Variants in OTUB1 observed in about 807,000 individuals in gnomAD.
OTUB1 encodes ubiquitin thioesterase OTUB1.
Under a neutral mutation model 35.8 loss-of-function variants are expected in OTUB1, and 10 were observed. That is an observed-to-expected ratio of 0.28 (90% CI 0.17 to 0.47). The LOEUF (loss-of-function observed/expected upper bound fraction) is 0.47, where lower values mean the gene tolerates loss of function less well. Among genes scored for constraint, OTUB1 ranks in the 20% least tolerant of loss-of-function variants. The pLI, the probability that OTUB1 is intolerant of heterozygous loss-of-function variation, is 0.99. For missense variants in OTUB1, 264 were observed against 351.6 expected (o/e 0.75, Z 1.99); for synonymous variants, 158 against 143.8 (o/e 1.10, Z -0.71).
At chr11:63,991,721 T>G (rs537961948) in intron 3 of OTUB1, among the ~76,000 whole-genome samples, 2 of 152,348 alleles carry the variant, frequency 1.3e-5, no homozygotes, top group South Asian at 2.1e-4. Context: ...GGGTTCTTTG[T>G]GGTCCTGGTG....
chr11:63,992,224 A>G (rs961718332), intron 3 of OTUB1, among the ~76,000 whole-genome samples: 6 of 152,008 alleles, frequency 3.9e-5, no homozygotes, highest in African/African-American at 1.4e-4. Flanking sequence ...CAAAAAAAAA[A>G]AAGAGGGGAT....
At position 63,998,170 on chromosome 11, in the gene OTUB1, ACGTGTGGGGT is replaced by A; in HGVS notation, c.*626_*635del. Reference sequence around the variant, plus strand: ...CCTGGTGGGGGAGGGCAGCCTTCAAACGTGTGGGGTCTACAGTCCTCAGGTCTAGGCAGGG... The same window carrying A: ...CCTGGTGGGGGAGGGCAGCCTTCAAACTACAGTCCTCAGGTCTAGGCAGGG... On this transcript the variant is annotated 3_prime_UTR_variant, in exon 7 of 7. Transcript: ENST00000538426. The A allele has an allele frequency of 1.6e-5, 4 of 256,558 alleles. No individual in the cohort carries two copies. The South Asian group carries it at 1.9e-4, about 12-fold the overall frequency. The allele number at this position is 256,558 out of a possible 1,614,324, so 15.9% of individuals were successfully genotyped here.
intron 4 of OTUB1, 45 bp from the exon 5 acceptor site, chr11:63,996,812 G>T: frequency 1.2e-6 from 2 of 1,613,116 alleles, no homozygotes; most frequent in Non-Finnish European, 1.7e-6. Flanking sequence ...CGTCTGGGCT[G>T]GTCGAGGAGC....
In OTUB1 at chr11:63,996,876, A is replaced by G; in HGVS notation, c.358A>G (p.Lys120Glu). ...ELQRFKAVSA[K>E]SKEDLVSQGF... ...CCCCAGGTTCAAGGCTGTGTCTGCC[A>G]AGAGCAAGGAAGACCTGGTGTCCCA... The change falls in exon 5 of 7, where the codon AAG becomes GAG. Residue 120 changes from lysine (K) to glutamate (E), a missense_variant. By Grantham distance (56) the Lys-to-Glu change is moderately conservative. This residue lies in a region of OTUB1 where 214 missense variants were observed against 317.1 expected (regional missense o/e 0.67). Transcript: ENST00000538426. The G allele has an allele frequency of 6.2e-7, 1 of 1,614,158 alleles. No homozygotes were observed. The highest frequency in any genetic ancestry group is 8.5e-7 in the Non-Finnish European group (1 of 1,180,000).
At chr11:63,996,786 G>C in intron 4 of OTUB1, 71 bp from the exon 5 acceptor site, 1 of 1,609,936 alleles carries the variant, frequency 6.2e-7, no homozygotes, top group Non-Finnish European at 8.5e-7. Context: ...GCGGGGCAGT[G>C]CTGTCTCGGC....
intron 3 of OTUB1, chr11:63,988,994 A>T: frequency 5.3e-6 from 2 of 376,034 alleles, no homozygotes; most frequent in Non-Finnish European, 9.6e-6. Context: ...AGCCTGGGTG[A>T]TAAGAGCAAA....
chr11:63,986,660 T>TC (rs916867233), intron 1 of OTUB1, 146 bp downstream of exon 1: 1 of 629,936 alleles, frequency 1.6e-6, no homozygotes, highest in Non-Finnish European at 2.6e-6. Flanking sequence ...CTGCCTCCCC[T>TC]CCCCCTCACA....
Position 63,988,969 on chromosome 11 carries a change from A to G in OTUB1, c.219+217A>G, listed in dbSNP as rs530151575. On this transcript the variant is annotated intron_variant, in intron 3 of 6. Coordinates refer to ENST00000538426, the MANE Select transcript of OTUB1 (RefSeq NM_017670.3). Reference sequence around the variant, plus strand: ...GTGGAGGTTGTAGGGAGCCAAGATCACACCATTGCACTCCAGCCTGGGTGA... The same window carrying G: ...GTGGAGGTTGTAGGGAGCCAAGATCGCACCATTGCACTCCAGCCTGGGTGA... 570 of 482,378 alleles carry G rather than the reference A, an allele frequency of 1.2e-3. 1 individual carries two copies. Among genetic ancestry groups the G allele is most frequent in the Non-Finnish European group, 1.7e-3 (471 of 270,710 alleles). 29.9% of individuals were successfully genotyped at this position (482,378 alleles called of 1,614,324 possible). A position where few individuals can be genotyped will look rare whatever the true frequency, so the allele number is the denominator to read the frequency against.
chr11:63,987,781 A>T (rs1248373696), intron 1 of OTUB1, among the ~76,000 whole-genome samples: 2 of 152,196 alleles, frequency 1.3e-5, no homozygotes, highest in Admixed American at 6.5e-5. Flanking sequence ...GCTCTCCTCC[A>T]GGCCAGGACT....
chr11:63,991,778 T>C (rs898044187), intron 3 of OTUB1, among the ~76,000 whole-genome samples: 1 of 152,210 alleles, frequency 6.6e-6, no homozygotes, highest in African/African-American at 2.4e-5. Flanking sequence ...GTCCAGGCGC[T>C]GTTCTAGGTA....
At chr11:63,995,929 C>G (rs1025353224) in intron 3 of OTUB1, among the ~76,000 whole-genome samples, 3 of 152,032 alleles carry the variant, frequency 2.0e-5, no homozygotes, top group African/African-American at 7.3e-5. Flanking sequence ...ATCGTTTGAA[C>G]CCGGGAGGTG....
intron 3 of OTUB1, among the ~76,000 whole-genome samples, chr11:63,994,233 G>T (rs928348773): frequency 1.3e-5 from 2 of 152,170 alleles, no homozygotes; most frequent in African/African-American, 2.4e-5. Flanking sequence ...AGGCACAGTG[G>T]CTAAGTGTGC....
chr11:63,996,977 G>A (rs753796211), intron 5 of OTUB1, 36 bp downstream of exon 5: 18 of 1,613,352 alleles, frequency 1.1e-5, no homozygotes, highest in South Asian at 4.4e-5. Context: ...TGGGCCATGG[G>A]GGAGGGGTTC....
chr11:63,986,620 G>A (rs961877447), intron 1 of OTUB1, 106 bp downstream of exon 1: 2 of 937,844 alleles, frequency 2.1e-6, no homozygotes, highest in East Asian at 2.8e-5. Flanking sequence ...TGGGGTCGAG[G>A]TGCGCGAGGG....
At position 63,996,927 on chromosome 11, in the gene OTUB1, G is replaced by A; in HGVS notation, c.409G>A (p.Asp137Asn). Residue 137 changes from aspartate (D) to asparagine (N), a missense_variant, in exon 5 of 7, where the codon GAT (aspartate) becomes AAT (asparagine). Coordinates refer to ENST00000538426, the MANE Select transcript of OTUB1 (RefSeq NM_017670.3). ...SQGFTEFTIE[D>N]FHNTFMDLIE... ...GGGCTTCACTGAATTCACAATTGAG[G>A]ATTTCCACAACACGGTGAGCCCTGG... The A allele has an allele frequency of 6.2e-7, 1 of 1,614,118 alleles. No homozygotes were observed. Among genetic ancestry groups the A allele is most frequent in the Middle Eastern group, 1.7e-4 (1 of 6,060 alleles).
intron 3 of OTUB1, among the ~76,000 whole-genome samples, chr11:63,992,454 AGCGGG>A (rs1388361926): frequency 6.1e-4 from 3 of 4,908 alleles, no homozygotes; most frequent in Non-Finnish European, 1.0e-3. Context: ...TGGGGAACTG[AGCGGG>A]GCGGGGCGGG....
Position 63,998,196 on chromosome 11 carries a change from C to T in OTUB1, c.*650C>T. ...CGTGTGGGGTCTACAGTCCTCAGGT[C>T]TAGGCAGGGCTGCCGGTTCTCCACC... On this transcript the variant is annotated 3_prime_UTR_variant, in exon 7 of 7. Transcript: ENST00000538426. 1 of 199,640 alleles carries T rather than the reference C, an allele frequency of 5.0e-6. No individual in the cohort carries two copies. Among genetic ancestry groups the T allele is most frequent in the Non-Finnish European group, 1.0e-5 (1 of 96,564 alleles). The allele number at this position is 199,640 out of a possible 1,614,324, so 12.4% of individuals were successfully genotyped here. A position where few individuals can be genotyped will look rare whatever the true frequency, so the allele number is the denominator to read the frequency against.
Position 63,997,524 on chromosome 11 carries a change from A to G in OTUB1, c.794A>G (p.His265Arg). Reference protein sequence around the residue: ...PKVYLLYRPGHYDILYK With the variant: ...PKVYLLYRPGRYDILYK ...GTCTACCTTCTCTACCGGCCTGGAC[A>G]CTACGATATCCTCTACAAATAGGGC... The change falls in exon 7 of 7, where the codon CAC becomes CGC. Residue 265 changes from histidine (H) to arginine (R), a missense_variant. Physicochemically the swap from His to Arg is conservative, Grantham distance 29 (BLOSUM62 0). Transcript: ENST00000538426. 1 of 1,613,984 alleles carries G rather than the reference A, an allele frequency of 6.2e-7. No homozygotes were observed. The highest frequency in any genetic ancestry group is 8.5e-7 in the Non-Finnish European group (1 of 1,179,960).
At chr11:63,997,302 T>C (rs2134312084) in intron 6 of OTUB1, 47 bp from the exon 7 acceptor site, 1 of 1,611,800 alleles carries the variant, frequency 6.2e-7, no homozygotes, top group Middle Eastern at 1.7e-4. Context: ...CCACAGGGCC[T>C]GGGGCGGGGT....
Sources: gnomAD v4.1 joint callset for allele counts (sites outside exome capture counted in the v4.1 genomes callset) on GRCh38, gnomAD v4.1.1 for gene constraint, gnomAD v4.1.1 regional missense constraint, MANE v1.5 for transcripts, NCBI Gene and HGNC (gene_info 2026-07-23, HGNC 2026-07-21) for gene names.